ZNF596: variants seen among roughly 807,000 people sequenced by gnomAD.
ZNF596 encodes the protein zinc finger protein 596.
Under a neutral mutation model 48.3 loss-of-function variants are expected in ZNF596, and 45 were observed. The observed-to-expected ratio is 0.93, with a 90% CI of 0.73 to 1.19. The LOEUF (loss-of-function observed/expected upper bound fraction) is 1.19, where lower values mean the gene tolerates loss of function less well. Among genes scored for constraint, ZNF596 ranks in the 50% most tolerant of loss-of-function variants. The pLI, the probability that ZNF596 is intolerant of heterozygous loss-of-function variation, is 0.00. For missense variants in ZNF596, 848 were observed against 599.7 expected, an observed-to-expected ratio of 1.41 and a Z score of -4.32; for synonymous variants, 270 against 202.0, an observed-to-expected ratio of 1.34 and a Z score of -2.85.
In ZNF596 at chr8:240,857, A is replaced by G; in HGVS notation, c.-39A>G. ...TCTTAGTGCTTGGATGGTGTGAGTG[A>G]AAACCCAGAGGAATACATTTGGTGG... On this transcript the variant is annotated 5_prime_UTR_variant, in exon 2 of 6. Coordinates refer to ENST00000398612, the MANE Select transcript of ZNF596 (RefSeq NM_001042416.3). The G allele has an allele frequency of 1.9e-6, 3 of 1,613,780 alleles. No individual in the cohort carries two copies. Among genetic ancestry groups the G allele is most frequent in the Non-Finnish European group, 1.7e-6 (2 of 1,179,752 alleles).
At position 246,375 on chromosome 8, in the gene ZNF596, G is replaced by A. The variant is rs1797091788; in HGVS notation, c.*13G>A. 3 of 1,561,950 alleles carry A rather than the reference G, an allele frequency of 1.9e-6. No individual in the cohort carries two copies. Among genetic ancestry groups the A allele is most frequent in the South Asian group, 1.2e-5 (1 of 80,660 alleles). On this transcript the variant is annotated 3_prime_UTR_variant, in exon 6 of 6. Coordinates refer to ENST00000398612, the MANE Select transcript of ZNF596 (RefSeq NM_001042416.3). ...AATGAATATGTAAGAATCATCAGCT[G>A]TAGCGTTAACACTAAATACACCAAG...
intron 1 of ZNF596, among the ~76,000 whole-genome samples, chr8:239,546 C>T (rs1382492029): frequency 6.6e-6 from 1 of 152,064 alleles, no homozygotes; most frequent in South Asian, 2.1e-4. Flanking sequence ...CTCACAGAAC[C>T]CAGGAAAACA....
At chr8:241,481 T>G (rs1034275587) in intron 2 of ZNF596, among the ~76,000 whole-genome samples, 3 of 152,184 alleles carry the variant, frequency 2.0e-5, no homozygotes, top group Non-Finnish European at 2.9e-5. Context: ...TTGAAAAACT[T>G]AAAAAGCAAA....
At chr8:241,896 A>G (rs1047866672) in intron 2 of ZNF596, among the ~76,000 whole-genome samples, 3 of 152,202 alleles carry the variant, frequency 2.0e-5, no homozygotes, top group Non-Finnish European at 4.4e-5. Flanking sequence ...CACCTTCTTC[A>G]TAAGGCAGCA....
Position 240,839 on chromosome 8 carries a change from G to T in ZNF596, c.-57G>T, listed in dbSNP as rs543416181. 2.3e-4 allele frequency: 365 copies of T among 1,609,792 alleles called. 5 individuals are homozygous for T. The South Asian group carries it at 3.8e-3, about 17-fold the overall frequency. ...TTTTGCTCAGATTTGTCTTCTTAGT[G>T]CTTGGATGGTGTGAGTGAAAACCCA... On this transcript the variant is annotated 5_prime_UTR_variant, in exon 2 of 6. Coordinates refer to ENST00000398612, the MANE Select transcript of ZNF596 (RefSeq NM_001042416.3).
chr8:240,998 G>C (rs1584908277), intron 2 of ZNF596, 91 bp downstream of exon 2: 1 of 1,476,934 alleles, frequency 6.8e-7, no homozygotes, highest in East Asian at 2.3e-5. Flanking sequence ...TGTTCTAAGT[G>C]CACTCAAGGA....
At chr8:232,763 C>T in intron 1 of ZNF596, 69 bp downstream of exon 1, 1 of 426,836 alleles carries the variant, frequency 2.3e-6, no homozygotes. Context: ...CTCAGGGCAG[C>T]CCTGGGATTC....
intron 1 of ZNF596, among the ~76,000 whole-genome samples, chr8:236,077 T>C (rs905648609): frequency 1.9e-4 from 29 of 152,208 alleles, no homozygotes; most frequent in African/African-American, 6.8e-4. Context: ...ATTCTAATAA[T>C]AGGATTTTCA....
At chr8:236,446 T>C (rs1796616757) in intron 1 of ZNF596, among the ~76,000 whole-genome samples, 1 of 152,210 alleles carries the variant, frequency 6.6e-6, no homozygotes, top group Non-Finnish European at 1.5e-5. Flanking sequence ...AGGCATCATG[T>C]GCAGTGGTGA....
At position 232,975 on chromosome 8, in the gene ZNF596, C is replaced by T. The variant is rs1183170839; in HGVS notation, c.-73+281C>T. On this transcript the variant is annotated intron_variant, in intron 1 of 5. Coordinates refer to ENST00000398612, the MANE Select transcript of ZNF596 (RefSeq NM_001042416.3). ...ACTAGCGGTGACTGTTGGGTGTTTA[C>T]CTTCCCGGTGTCCCACTGAGAAGCG... is the stretch of plus-strand genomic sequence containing the variant. 11 of 468,642 alleles carry T rather than the reference C, an allele frequency of 2.3e-5. 1 individual carries two copies. Among genetic ancestry groups the T allele is most frequent in the Admixed American group, 9.4e-5 (4 of 42,496 alleles). 29.0% of individuals were successfully genotyped at this position (468,642 alleles called of 1,614,324 possible). A position where few individuals can be genotyped will look rare whatever the true frequency, so the allele number is the denominator to read the frequency against.
At chr8:243,675 T>A (rs956895427) in intron 3 of ZNF596, 47 bp from the exon 4 acceptor site, 1 of 1,592,986 alleles carries the variant, frequency 6.3e-7, no homozygotes, top group Non-Finnish European at 8.6e-7. Flanking sequence ...CCTTGTACAT[T>A]TGTCAGCACA....
chr8:239,961 A>G (rs770767611), intron 1 of ZNF596, among the ~76,000 whole-genome samples: 7 of 152,180 alleles, frequency 4.6e-5, no homozygotes, highest in Non-Finnish European at 7.3e-5. Context: ...ATGAAGTTCC[A>G]AGGCATTACG....
At chr8:232,418 G>A (rs1436315418), upstream of ZNF596, 1 of 233,518 alleles carries the variant, frequency 4.3e-6, no homozygotes, top group Non-Finnish European at 9.2e-6. Context: ...CCGCTCGGGT[G>A]AGTGCCCTCC....
chr8:245,768 T>G lies in ZNF596; in HGVS notation c.921T>G (p.Tyr307Ter). Residue 307 changes from tyrosine to a stop codon, truncating the protein, a stop_gained, in exon 6 of 6, where the codon TAT becomes TAG. Transcript: ENST00000398612. LOFTEE classifies it high-confidence loss of function. Reference protein sequence around the residue: ...HERTHLGDKPYGCLLCGKAFS... With the variant: ...HERTHLGDKP ...GAACTCACTTAGGAGATAAACCATA[T>G]GGATGTCTCCTATGTGGGAAGGCTT... 6.2e-7 allele frequency: 1 copy of G among 1,614,118 alleles called. No individual in the cohort carries two copies. Among genetic ancestry groups the G allele is most frequent in the African/African-American group, 1.3e-5 (1 of 75,036 alleles).
chr8:245,623 C>G lies in ZNF596; in HGVS notation c.776C>G (p.Ala259Gly), dbSNP rs1381303406. The change falls in exon 6 of 6, where the codon GCC (alanine) becomes GGC (glycine). Residue 259 changes from alanine (A) to glycine (G), a missense_variant. Physicochemically the swap from Ala to Gly is moderately conservative, Grantham distance 60 (BLOSUM62 0). Coordinates refer to ENST00000398612, the MANE Select transcript of ZNF596 (RefSeq NM_001042416.3). ...KPYGCHLCGKAFSKSSNLRRH... is the reference protein window; with the variant it reads ...KPYGCHLCGKGFSKSSNLRRH... ...TATGGATGTCATCTATGTGGGAAAG[C>G]CTTCAGTAAAAGTTCTAACCTTAGA... is the stretch of plus-strand genomic sequence containing the variant. The G allele has an allele frequency of 2.5e-6, 4 of 1,613,838 alleles. No individual in the cohort carries two copies. Among genetic ancestry groups the G allele is most frequent in the Non-Finnish European group, 3.4e-6 (4 of 1,179,988 alleles).
intron 4 of ZNF596, 34 bp from the exon 5 acceptor site, chr8:244,585 C>T: frequency 6.7e-7 from 1 of 1,487,964 alleles, no homozygotes; most frequent in Non-Finnish European, 9.4e-7. Flanking sequence ...CCCCTAATGC[C>T]TATATAGCAT....
intron 1 of ZNF596, chr8:237,307 T>C (rs1305855795): frequency 1.3e-5 from 2 of 152,152 alleles, no homozygotes; most frequent in African/African-American, 4.8e-5. Flanking sequence ...CATTATTTTA[T>C]TATTTATTAA....
At chr8:237,750 A>C (rs894860134) in intron 1 of ZNF596, 12 of 152,300 alleles carry the variant, frequency 7.9e-5, no homozygotes, top group African/African-American at 2.6e-4. Context: ...CACTTTATTG[A>C]ATATCATATT....
At position 246,458 on chromosome 8, in the gene ZNF596, T is replaced by C. The variant is rs1797095331; in HGVS notation, c.*96T>C. ...ATCAGTGTGGAAAAGCCTTTATTTA[T>C]ATTTACCACTTTGCTCAACCTAAAT... On this transcript the variant is annotated 3_prime_UTR_variant, in exon 6 of 6. Coordinates refer to ENST00000398612, the MANE Select transcript of ZNF596 (RefSeq NM_001042416.3). 6.9e-7 allele frequency: 1 copy of C among 1,447,372 alleles called. No homozygotes were observed. The highest frequency in any genetic ancestry group is 1.4e-5 in the African/African-American group (1 of 70,530). The allele number at this position is 1,447,372 out of a possible 1,614,324, so 89.7% of individuals were successfully genotyped here. A position where few individuals can be genotyped will look rare whatever the true frequency, so the allele number is the denominator to read the frequency against.
Sources: gnomAD v4.1 joint callset for allele counts (sites outside exome capture counted in the v4.1 genomes callset) on GRCh38, gnomAD v4.1.1 for gene constraint, MANE v1.5 for transcripts, NCBI Gene and HGNC (gene_info 2026-07-23, HGNC 2026-07-21) for gene names.